CLN6: variants seen among roughly 807,000 people sequenced by gnomAD.
The protein encoded by CLN6 is ceroid-lipofuscinosis neuronal protein 6.
A neutral mutation model predicts 33.3 loss-of-function variants in CLN6; 22 were observed. The observed-to-expected ratio is 0.66, with a 90% confidence interval of 0.47 to 0.94. The LOEUF (loss-of-function observed/expected upper bound fraction) is 0.94, where lower values mean the gene tolerates loss of function less well. CLN6 is among the 40% of genes least tolerant of loss of function. The pLI is 0.00. For missense variants in CLN6, 387 were observed against 417.1 expected (o/e 0.93, Z 0.63); for synonymous variants, 201 against 174.6 (o/e 1.15, Z -1.19).
chr15:68,254,002 C>G (rs543411526), intron 1 of CLN6, among the ~76,000 whole-genome samples: 134 of 152,134 alleles, frequency 8.8e-4, no homozygotes, highest in Non-Finnish European at 1.6e-3. Context: ...CTCAGCCTCC[C>G]GAGCAGCTGG....
At chr15:68,226,145 C>G (rs1217938194) in intron 1 of CLN6, among the ~76,000 whole-genome samples, 1 of 151,256 alleles carries the variant, frequency 6.6e-6, no homozygotes, top group African/African-American at 2.4e-5. Flanking sequence ...TGGTGAAACG[C>G]CGTCTCTACT....
rs374653673 is a variant in CLN6, at chr15:68,209,768, G to A, written c.543-9C>T. On this transcript the variant is annotated splice_polypyrimidine_tract_variant and intron_variant, in intron 5 of 6. Transcript: ENST00000249806. This position sits in a 1 kb window ranked among gnomAD's most constrained non-coding sequence, Gnocchi z 4.9. ...GGAAGAAGGGGATGTACCTGTGACA[G>A]GAAGGCCAGTGTCTTAGAGGCCTGC... The A allele has an allele frequency of 8.7e-6, 14 of 1,612,678 alleles. No homozygotes were observed. Among genetic ancestry groups the A allele is most frequent in the Middle Eastern group, 1.8e-4 (1 of 5,678 alleles).
At position 68,211,706 on chromosome 15, in the gene CLN6, G is replaced by A; in HGVS notation, c.455C>T (p.Pro152Leu). Residue 152 changes from proline to leucine, a missense_variant, in exon 4 of 7, where the codon CCC (proline) becomes CTC (leucine). Physicochemically the swap from Pro to Leu is moderately conservative, Grantham distance 98 (BLOSUM62 -3). Transcript: ENST00000249806. This position sits in a 1 kb window ranked among gnomAD's most constrained non-coding sequence, Gnocchi z 5.9. ...YQHHLSVREN[P>L]IIKNLKPETL... ...CTCCGGCTTGAGATTCTTGATGATG[G>A]GGTTCTCACGGACAGACAGGTGGTG... 1 of 1,613,886 alleles carries A rather than the reference G, an allele frequency of 6.2e-7. No individual in the cohort carries two copies. The highest frequency in any genetic ancestry group is 8.5e-7 in the Non-Finnish European group (1 of 1,180,014).
At position 68,211,632 on chromosome 15, in the gene CLN6, G is replaced by A. The variant is rs2093205442; in HGVS notation, c.486+43C>T. 2.5e-6 allele frequency: 4 copies of A among 1,610,848 alleles called. No individual in the cohort carries two copies. Among genetic ancestry groups the A allele is most frequent in the South Asian group, 1.1e-5 (1 of 90,868 alleles). ...TTTCTTCAGCCTCCCAGGACAGACT[G>A]TGCTCCTAGGGCTTACAGGCAGGGA... On this transcript the variant is annotated intron_variant, in intron 4 of 6. Coordinates refer to ENST00000249806, the MANE Select transcript of CLN6 (RefSeq NM_017882.3). The surrounding 1 kb of genome is among the most constrained non-coding windows in gnomAD (Gnocchi z 5.9).
At position 68,209,994 on chromosome 15, in the gene CLN6, C is replaced by CA. The variant is rs2093200218; in HGVS notation, c.543-236dup. Among the ~76,000 whole-genome samples, 3 of 152,212 alleles carry CA rather than the reference C, an allele frequency of 2.0e-5. No individual in the cohort carries two copies. The highest frequency in any genetic ancestry group is 4.4e-5 in the Non-Finnish European group (3 of 68,030). ...TGAGTCAGAGGCCCAGAGGCATCCACACCGCCCAGGGCACCTCACTCACTC... is the reference window on the plus strand; with the variant it reads ...TGAGTCAGAGGCCCAGAGGCATCCACAACCGCCCAGGGCACCTCACTCACTC... On this transcript the variant is annotated intron_variant, in intron 5 of 6. Transcript: ENST00000249806. This position sits in a 1 kb window ranked among gnomAD's most constrained non-coding sequence, Gnocchi z 4.9.
intron 2 of CLN6, among the ~76,000 whole-genome samples, chr15:68,216,039 G>C (rs2093219700): frequency 6.6e-6 from 1 of 152,096 alleles, no homozygotes; most frequent in Non-Finnish European, 1.5e-5. Context: ...AAAATCTCTA[G>C]CGTATACAAG....
chr15:68,210,466 G>A lies in CLN6; in HGVS notation c.543-707C>T, dbSNP rs760563275. Among the ~76,000 whole-genome samples, 1 of 152,212 alleles carries A rather than the reference G, an allele frequency of 6.6e-6. No homozygotes were observed. The highest frequency in any genetic ancestry group is 1.5e-5 in the Non-Finnish European group (1 of 68,040). ...GGACCCTGGACCAGCTGAGCCAGGA[G>A]GATTGACATCGCAGGGCCCGAAACA... On this transcript the variant is annotated intron_variant, in intron 5 of 6. Coordinates refer to ENST00000249806, the MANE Select transcript of CLN6 (RefSeq NM_017882.3). The surrounding 1 kb of genome is among the most constrained non-coding windows in gnomAD (Gnocchi z 5.6).
Position 68,208,425 on chromosome 15 carries a change from GGTGA to G in CLN6, c.666-19_666-16del, listed in dbSNP as rs1235296145. ...TGACCAGGTACCTGGAAAGGCCAGG[GGTGA>G]GTGAGGCAGCTGCCGTGGCAACCCC... On this transcript the variant is annotated splice_polypyrimidine_tract_variant and intron_variant, in intron 6 of 6. Transcript: ENST00000249806. This position sits in a 1 kb window ranked among gnomAD's most constrained non-coding sequence, Gnocchi z 5.8. 5.6e-6 allele frequency: 9 copies of G among 1,611,684 alleles called. No homozygotes were observed. Among genetic ancestry groups the G allele is most frequent in the South Asian group, 3.3e-5 (3 of 90,952 alleles).
At chr15:68,218,748 CAGG>C in intron 1 of CLN6, 98 bp from the exon 2 acceptor site, 2 of 817,684 alleles carry the variant, frequency 2.4e-6, no homozygotes, top group Non-Finnish European at 4.2e-6. Context: ...GACTTGAGGA[CAGG>C]AGGAGACACA....
intron 1 of CLN6, among the ~76,000 whole-genome samples, chr15:68,251,376 A>G (rs1892376719): frequency 6.6e-6 from 1 of 152,154 alleles, no homozygotes. Context: ...TGTTCCATTA[A>G]GAGCAGACTA....
At chr15:68,234,332 C>T (rs1892196363), upstream of CLN6, among the ~76,000 whole-genome samples, 1 of 152,216 alleles carries the variant, frequency 6.6e-6, no homozygotes, top group African/African-American at 2.4e-5. The surrounding 1 kb of genome is among the most constrained non-coding windows in gnomAD (Gnocchi z 4.1). Context: ...ATTCAAAATT[C>T]CCGCGGAGGG....
intron 1 of CLN6, among the ~76,000 whole-genome samples, chr15:68,240,939 G>A (rs1391724291): frequency 6.8e-6 from 1 of 147,594 alleles, no homozygotes; most frequent in African/African-American, 2.5e-5. Context: ...AGCCGAGATC[G>A]CACCACTGCA....
At position 68,208,857 on chromosome 15, in the gene CLN6, G is replaced by A. The variant is rs941949863; in HGVS notation, c.666-447C>T. 6.6e-6 allele frequency among the ~76,000 whole-genome samples: 1 copy of A among 152,208 alleles called. No individual in the cohort carries two copies. The highest frequency in any genetic ancestry group is 1.5e-5 in the Non-Finnish European group (1 of 68,040). On this transcript the variant is annotated intron_variant, in intron 6 of 6. Transcript: ENST00000249806. This position sits in a 1 kb window ranked among gnomAD's most constrained non-coding sequence, Gnocchi z 5.8. Reference sequence around the variant, plus strand: ...CCACCCATTCTTTTTAATCCCCAGAGAGCATACAGATGAGCCCCAGTGGGC... The same window carrying A: ...CCACCCATTCTTTTTAATCCCCAGAAAGCATACAGATGAGCCCCAGTGGGC...
rs964872238 is a variant in CLN6 at position 68,241,048 on chromosome 15, G to C, written c.179+15642C>G. On this transcript the variant is annotated intron_variant, in intron 1 of 6. Transcript: ENST00000538696. The surrounding 1 kb of genome is among the most constrained non-coding windows in gnomAD (Gnocchi z 4.2). ...ACAAATAAGCAAGAATATGAATGAA[G>C]AACAGAAGAAAGCTGCAAATATGGA... 2.0e-5 allele frequency among the ~76,000 whole-genome samples: 3 copies of C among 148,902 alleles called. No individual in the cohort carries two copies. Among genetic ancestry groups the C allele is most frequent in the Admixed American group, 2.0e-4 (3 of 15,030 alleles).
intron 1 of CLN6, among the ~76,000 whole-genome samples, chr15:68,255,445 C>T (rs1892423949): frequency 6.6e-6 from 1 of 152,210 alleles, no homozygotes; most frequent in African/African-American, 2.4e-5. Flanking sequence ...ATTTTCATTT[C>T]ACTTCCTGAA....
chr15:68,242,885 C>T lies in CLN6; in HGVS notation c.179+13805G>A, dbSNP rs1425234197. Among the ~76,000 whole-genome samples the T allele has an allele frequency of 6.6e-6, 1 of 152,220 alleles. No homozygotes were observed. Among genetic ancestry groups the T allele is most frequent in the Non-Finnish European group, 1.5e-5 (1 of 68,048 alleles). On this transcript the variant is annotated intron_variant, in intron 1 of 6. Transcript: ENST00000538696. This position sits in a 1 kb window ranked among gnomAD's most constrained non-coding sequence, Gnocchi z 5.0. ...AGCTATGCTAAGAGTCAGACCTTAT[C>T]TTCATTTCTGTCTAATGTCCTAAGC... is the stretch of plus-strand genomic sequence containing the variant.
In CLN6 at chr15:68,244,500, T is replaced by C. The variant is rs571038986; in HGVS notation, c.179+12190A>G. On this transcript the variant is annotated intron_variant, in intron 1 of 6. Coordinates refer to the CLN6 transcript ENST00000538696. ...ATATGAAGGAAAGATAGTCTTTCTC[T>C]GACAAACAAAAGCTAAGAGAATTCA... 3.5e-4 allele frequency among the ~76,000 whole-genome samples: 54 copies of C among 152,148 alleles called. 1 individual carries two copies. The highest frequency in any genetic ancestry group is 1.2e-3 in the African/African-American group (50 of 41,460).
At position 68,208,628 on chromosome 15, in the gene CLN6, A is replaced by G. The variant is rs2093195184; in HGVS notation, c.666-218T>C. Among the ~76,000 whole-genome samples the G allele has an allele frequency of 6.6e-6, 1 of 152,256 alleles. No homozygotes were observed. The highest frequency in any genetic ancestry group is 1.5e-5 in the Non-Finnish European group (1 of 68,052). On this transcript the variant is annotated intron_variant, in intron 6 of 6. Transcript: ENST00000249806. This position sits in a 1 kb window ranked among gnomAD's most constrained non-coding sequence, Gnocchi z 5.8. ...TTTTTAAATGTTGAGTTTGTTGCCA[A>G]TATTTAAATAACAGAATACCTACAA...
chr15:68,239,680 A>C (rs1892264444), intron 1 of CLN6, among the ~76,000 whole-genome samples: 2 of 152,342 alleles, frequency 1.3e-5, no homozygotes, highest in South Asian at 2.1e-4. Context: ...ATTTCAATAC[A>C]ATGCTCCCAA....
Sources: gnomAD v4.1 joint callset for allele counts (sites outside exome capture counted in the v4.1 genomes callset) on GRCh38, gnomAD v4.1.1 for gene constraint, Gnocchi (gnomAD v3.1) non-coding constraint, MANE v1.5 for transcripts, NCBI Gene and HGNC (gene_info 2026-07-23, HGNC 2026-07-21) for gene names.